The following KCNK10 variants were observed in gnomAD, a reference collection of about 807,000 sequenced individuals.
The protein encoded by KCNK10 is potassium two pore domain channel subfamily K member 10, also known as potassium channel subfamily K member 10.
KCNK10 carries 25 observed loss-of-function variants against 47.7 expected under a neutral mutation model. The ratio of observed to expected loss-of-function variants is 0.52; its 90% confidence interval spans 0.38 to 0.73. The LOEUF (loss-of-function observed/expected upper bound fraction) is 0.73, where lower values mean the gene tolerates loss of function less well. KCNK10 is among the 30% of genes least tolerant of loss of function. The probability of loss-of-function intolerance (pLI) is 0.00; values close to 1 mark genes in which losing one functional copy is unlikely to be tolerated. For missense variants in KCNK10, 563 were observed against 714.5 expected, an observed-to-expected ratio of 0.79 and a Z score of 2.42; for synonymous variants, 303 against 285.6, an observed-to-expected ratio of 1.06 and a Z score of -0.61.
intron 4 of KCNK10, among the ~76,000 whole-genome samples, chr14:88,208,458 A>G (rs1885351998): frequency 6.6e-6 from 1 of 152,220 alleles, no homozygotes; most frequent in Non-Finnish European, 1.5e-5. Flanking sequence ...ATAAATACAG[A>G]ATTAAAGGGC....
intron 2 of KCNK10, among the ~76,000 whole-genome samples, chr14:88,249,945 A>G (rs1040263101): frequency 6.6e-6 from 1 of 152,170 alleles, no homozygotes; most frequent in African/African-American, 2.4e-5. Context: ...ATAAATGAAT[A>G]CATTGTATTG....
At chr14:88,274,679 C>T (rs556044465) in intron 1 of KCNK10, among the ~76,000 whole-genome samples, 114 of 152,056 alleles carry the variant, frequency 7.5e-4, no homozygotes, top group African/African-American at 2.7e-3. Context: ...AGAGGTACTT[C>T]GATTAATTCC....
chr14:88,283,801 C>G (rs1887704769), intron 1 of KCNK10, among the ~76,000 whole-genome samples: 1 of 151,950 alleles, frequency 6.6e-6, no homozygotes, highest in African/African-American at 2.4e-5. Flanking sequence ...GTAGTCCCAG[C>G]TACTCAGGAG....
chr14:88,298,354 T>C (rs1312992035), intron 1 of KCNK10, among the ~76,000 whole-genome samples: 2 of 152,196 alleles, frequency 1.3e-5, no homozygotes, highest in East Asian at 1.9e-4. Context: ...TTAACTACAG[T>C]GTGGACTGCC....
chr14:88,209,194 T>C (rs1439297928), intron 4 of KCNK10, among the ~76,000 whole-genome samples: 1 of 152,228 alleles, frequency 6.6e-6, no homozygotes, highest in Non-Finnish European at 1.5e-5. Flanking sequence ...AGTCTTCCTT[T>C]AGGATCTTTT....
intron 4 of KCNK10, among the ~76,000 whole-genome samples, chr14:88,202,483 A>G (rs1481842972): frequency 6.6e-6 from 1 of 152,204 alleles, no homozygotes; most frequent in Non-Finnish European, 1.5e-5. Context: ...TCCCAGCCAT[A>G]AAGACATAAT....
chr14:88,293,398 T>C (rs906431139), intron 1 of KCNK10, among the ~76,000 whole-genome samples: 2 of 152,126 alleles, frequency 1.3e-5, no homozygotes, highest in Admixed American at 1.3e-4. Context: ...ATAAAAACCC[T>C]CCATTCTTAC....
Position 88,302,914 on chromosome 14 carries a change from T to C in KCNK10, c.52+19833A>G, listed in dbSNP as rs564842716. On this transcript the variant is annotated intron_variant, in intron 1 of 6. Transcript: ENST00000319231. ...TTTAACAGATCCAATTTTGGTTAAA[T>C]GACAACATTTCAAAGAAGATGCGTC... is the stretch of plus-strand genomic sequence containing the variant. Among the ~76,000 whole-genome samples the C allele has an allele frequency of 2.0e-5, 3 of 152,216 alleles. No homozygotes were observed. The South Asian group carries it at 6.2e-4, about 32-fold the overall frequency.
At chr14:88,188,203 T>A (rs1884635501) in intron 5 of KCNK10, 94 bp from the exon 6 acceptor site, 2 of 1,421,316 alleles carry the variant, frequency 1.4e-6, no homozygotes, top group Non-Finnish European at 2.0e-6. Context: ...ACGTCATCCA[T>A]CATTGTTTAA....
At chr14:88,189,139 A>G (rs937138017) in intron 5 of KCNK10, among the ~76,000 whole-genome samples, 8 of 152,204 alleles carry the variant, frequency 5.3e-5, no homozygotes, top group African/African-American at 1.9e-4. Flanking sequence ...AACCACATCT[A>G]GCGCCACTGA....
At chr14:88,216,948 A>G (rs1885640623) in intron 4 of KCNK10, among the ~76,000 whole-genome samples, 1 of 152,176 alleles carries the variant, frequency 6.6e-6, no homozygotes, top group Non-Finnish European at 1.5e-5. Flanking sequence ...CGAGGTAAGG[A>G]GTTCGAGACC....
At chr14:88,251,165 G>A (rs1886785905) in intron 2 of KCNK10, among the ~76,000 whole-genome samples, 2 of 150,184 alleles carry the variant, frequency 1.3e-5, no homozygotes, top group South Asian at 2.1e-4. Context: ...CCCAGGAGGT[G>A]GAGGTTGCAG....
At chr14:88,325,864 G>T (rs1168416540), upstream of KCNK10, among the ~76,000 whole-genome samples, 1 of 152,110 alleles carries the variant, frequency 6.6e-6, no homozygotes, top group Admixed American at 6.5e-5. Context: ...ACAGGTTGCA[G>T]GTCCCCATTA....
chr14:88,218,571 G>GA (rs57820741), intron 4 of KCNK10, among the ~76,000 whole-genome samples: 28,976 of 119,742 alleles, frequency 0.24, 3,432 homozygotes, highest in Non-Finnish European at 0.32. Context: ...AAAAGAAAAA[G>GA]AAAAAAAAAA....
intron 4 of KCNK10, among the ~76,000 whole-genome samples, chr14:88,201,027 A>T (rs2139838923): frequency 6.6e-6 from 1 of 152,324 alleles, no homozygotes; most frequent in Middle Eastern, 3.4e-3. Flanking sequence ...GTTGCAAATG[A>T]TCCAAAACAG....
intron 3 of KCNK10, chr14:88,235,233 A>G (rs1294699938): frequency 2.2e-6 from 1 of 456,680 alleles, no homozygotes; most frequent in East Asian, 6.9e-5. Context: ...CCCCAACTCC[A>G]TGAAATCATT....
intron 2 of KCNK10, among the ~76,000 whole-genome samples, chr14:88,256,296 A>G (rs1330772953): frequency 1.3e-5 from 2 of 152,044 alleles, no homozygotes; most frequent in Admixed American, 6.5e-5. Flanking sequence ...AAGCCCTTTC[A>G]CTCGGTCACA....
At position 88,182,801 on chromosome 14, in the gene KCNK10, T is replaced by C. The variant is rs1273454451; in HGVS notation, c.*2734A>G. 3 of 152,388 alleles carry C rather than the reference T, an allele frequency of 2.0e-5. No individual in the cohort carries two copies. Among genetic ancestry groups the C allele is most frequent in the East Asian group, 1.9e-4 (1 of 5,338 alleles). The allele number at this position is 152,388 out of a possible 1,614,324, so 9.4% of individuals were successfully genotyped here. On this transcript the variant is annotated 3_prime_UTR_variant, in exon 7 of 7. Transcript: ENST00000319231. ...TGCAGCTTAGTGCTTTGAACTATTT[T>C]ATTCCTGCTGTATGCAGAGTTTCTA...
intron 4 of KCNK10, among the ~76,000 whole-genome samples, chr14:88,211,153 CAG>C (rs1391072296): frequency 6.6e-6 from 1 of 152,174 alleles, no homozygotes; most frequent in Non-Finnish European, 1.5e-5. Flanking sequence ...TATATACAGA[CAG>C]GGGGATATTA....
Sources: gnomAD v4.1 joint callset for allele counts (sites outside exome capture counted in the v4.1 genomes callset) on GRCh38, gnomAD v4.1.1 for gene constraint, MANE v1.5 for transcripts, NCBI Gene and HGNC (gene_info 2026-07-23, HGNC 2026-07-21) for gene names.